Variants in SEMA3E observed in about 807,000 individuals in gnomAD.
SEMA3E encodes semaphorin 3E, also known as semaphorin-3E.
In SEMA3E, 49 loss-of-function variants were observed where a neutral mutation model predicts 93.6. The ratio of observed to expected loss-of-function variants is 0.52; its 90% CI spans 0.42 to 0.66. The LOEUF is 0.66. SEMA3E is among the 30% of genes least tolerant of loss of function. SEMA3E has a pLI of 0.00. For missense variants in SEMA3E, 906 were observed against 964.8 expected, an observed-to-expected ratio of 0.94 and a Z score of 0.81; for synonymous variants, 363 against 330.7, an observed-to-expected ratio of 1.10 and a Z score of -1.06.
chr7:83,427,867 A>G (rs1584241994), intron 4 of SEMA3E, among the ~76,000 whole-genome samples: 1 of 152,208 alleles, frequency 6.6e-6, no homozygotes, highest in Non-Finnish European at 1.5e-5. Flanking sequence ...GTTGGTCACG[A>G]CTTACACTGG....
chr7:83,508,209 C>A (rs1407977020), intron 1 of SEMA3E, among the ~76,000 whole-genome samples: 1 of 151,702 alleles, frequency 6.6e-6, no homozygotes, highest in East Asian at 1.9e-4. Context: ...TGTGAACATT[C>A]CTGAATATAA....
intron 4 of SEMA3E, among the ~76,000 whole-genome samples, chr7:83,466,258 A>G (rs1189669924): frequency 2.0e-5 from 3 of 152,226 alleles, no homozygotes; most frequent in African/African-American, 7.2e-5. Flanking sequence ...AGCAAATAAA[A>G]TTATTAAGTG....
chr7:83,642,783 T>C (rs1299063960), intron 1 of SEMA3E, among the ~76,000 whole-genome samples: 1 of 152,060 alleles, frequency 6.6e-6, no homozygotes, highest in Non-Finnish European at 1.5e-5. Flanking sequence ...ATAATCTAAA[T>C]CTTCATTCTG....
At position 83,466,611 on chromosome 7, in the gene SEMA3E, GAAA is replaced by G. The variant is rs536827692; in HGVS notation, c.337-13_337-11del. ...AATTTGCACATTCACCCTAAAGCAG[GAAA>G]AAAAGGGAAGGAATCTATCAGTATA... On this transcript the variant is annotated splice_polypyrimidine_tract_variant and intron_variant, in intron 3 of 16. Coordinates refer to ENST00000643230, the MANE Select transcript of SEMA3E (RefSeq NM_012431.3). 1 of 1,609,948 alleles carries G rather than the reference GAAA, an allele frequency of 6.2e-7. No homozygotes were observed. The highest frequency in any genetic ancestry group is 8.5e-7 in the Non-Finnish European group (1 of 1,179,122).
At chr7:83,570,927 C>T (rs976471359) in intron 1 of SEMA3E, among the ~76,000 whole-genome samples, 12 of 151,446 alleles carry the variant, frequency 7.9e-5, no homozygotes, top group African/African-American at 2.9e-4. Context: ...TACCTCTATG[C>T]ACACAAATTA....
chr7:83,433,837 T>C (rs1788938386), intron 4 of SEMA3E, among the ~76,000 whole-genome samples: 1 of 152,128 alleles, frequency 6.6e-6, no homozygotes, highest in African/African-American at 2.4e-5. Flanking sequence ...TATAGCTCTA[T>C]AGCTTATCAA....
At chr7:83,535,282 G>A (rs1430752825) in intron 1 of SEMA3E, among the ~76,000 whole-genome samples, 2 of 152,114 alleles carry the variant, frequency 1.3e-5, no homozygotes, top group East Asian at 1.9e-4. Context: ...CTAAGGAGGG[G>A]TGGTATTGGG....
At chr7:83,645,387 C>A (rs1794066234) in intron 1 of SEMA3E, among the ~76,000 whole-genome samples, 1 of 151,950 alleles carries the variant, frequency 6.6e-6, no homozygotes, top group Non-Finnish European at 1.5e-5. Flanking sequence ...CTGATACAGC[C>A]AAACTCAACT....
rs1468255451 is a variant in SEMA3E, at chr7:83,440,558, C to A, written c.457-22075G>T. ...TTCAGAAACTTATGCAAATTTGCAA[C>A]CTACTAACAGGCAGATCTTATTCCA... On this transcript the variant is annotated intron_variant, in intron 4 of 16. Coordinates refer to ENST00000643230, the MANE Select transcript of SEMA3E (RefSeq NM_012431.3). Among the ~76,000 whole-genome samples the A allele has an allele frequency of 4.6e-5, 7 of 152,158 alleles. No individual in the cohort carries two copies. The East Asian group carries it at 5.8e-4, about 13-fold the overall frequency.
At chr7:83,502,399 T>C (rs549549914) in intron 1 of SEMA3E, among the ~76,000 whole-genome samples, 106 of 152,140 alleles carry the variant, frequency 7.0e-4, no homozygotes, top group Non-Finnish European at 1.3e-3. Flanking sequence ...CTTGGTTGCC[T>C]ACCTCAGCCC....
At chr7:83,544,163 G>T (rs978160073) in intron 1 of SEMA3E, among the ~76,000 whole-genome samples, 3 of 152,032 alleles carry the variant, frequency 2.0e-5, no homozygotes, top group Non-Finnish European at 4.4e-5. Context: ...CTAACTATTT[G>T]TGGGTTTTTA....
intron 1 of SEMA3E, among the ~76,000 whole-genome samples, chr7:83,616,913 C>T (rs759753940): frequency 1.3e-5 from 2 of 151,924 alleles, no homozygotes; most frequent in South Asian, 2.1e-4. Context: ...TTGGTAGAGA[C>T]GGGGTTTCAC....
At chr7:83,399,546 T>A (rs758138964) in intron 11 of SEMA3E, among the ~76,000 whole-genome samples, 11 of 152,182 alleles carry the variant, frequency 7.2e-5, no homozygotes, top group Admixed American at 1.3e-4. Flanking sequence ...CTGAGCAAAG[T>A]CAGTAATGGA....
intron 1 of SEMA3E, among the ~76,000 whole-genome samples, chr7:83,551,935 G>C (rs182146293): frequency 1.5e-3 from 227 of 152,148 alleles, no homozygotes; most frequent in African/African-American, 4.6e-3. Flanking sequence ...GCCACTATTA[G>C]ACGCACTCTA....
chr7:83,469,796 T>TATTA (rs1187748735), intron 2 of SEMA3E, among the ~76,000 whole-genome samples: 1 of 152,142 alleles, frequency 6.6e-6, no homozygotes, highest in African/African-American at 2.4e-5. Context: ...TTTATTTATT[T>TATTA]ATTATCTTTT....
intron 1 of SEMA3E, among the ~76,000 whole-genome samples, chr7:83,595,859 GT>G (rs1406973200): frequency 6.6e-6 from 1 of 151,816 alleles, no homozygotes; most frequent in Admixed American, 6.6e-5. Context: ...CACTGAAAAG[GT>G]TTTTTTCTTT....
intron 14 of SEMA3E, among the ~76,000 whole-genome samples, chr7:83,391,314 T>C (rs1788013517): frequency 6.6e-6 from 1 of 152,160 alleles, no homozygotes; most frequent in Admixed American, 6.6e-5. Context: ...ACTATCATTA[T>C]CTACAATTCC....
intron 1 of SEMA3E, among the ~76,000 whole-genome samples, chr7:83,625,502 C>T: frequency 6.6e-6 from 1 of 152,092 alleles, no homozygotes; most frequent in African/African-American, 2.4e-5. Context: ...CATGATTTGG[C>T]TCTCTGTCTA....
intron 1 of SEMA3E, among the ~76,000 whole-genome samples, chr7:83,572,086 A>G (rs753293843): frequency 9.9e-5 from 15 of 152,216 alleles, no homozygotes; most frequent in South Asian, 2.1e-4. Context: ...ACATAAGTAA[A>G]TGGAAAAATA....
Sources: allele counts gnomAD v4.1 joint callset (sites outside exome capture counted in the v4.1 genomes callset), GRCh38; gene constraint gnomAD v4.1.1; transcripts MANE v1.5; gene names NCBI Gene and HGNC (gene_info 2026-07-23, HGNC 2026-07-21).